NRG3: variants seen among roughly 807,000 people sequenced by gnomAD.
NRG3 encodes the protein pro-neuregulin-3, membrane-bound isoform.
NRG3 carries 31 observed loss-of-function variants against 66.9 expected under a neutral mutation model. The ratio of observed to expected loss-of-function variants is 0.46; its 90% CI spans 0.35 to 0.63. NRG3 has a LOEUF of 0.63. NRG3 is among the 20% of genes least tolerant of loss of function. The pLI is 0.00. For missense variants in NRG3, 910 were observed against 878.9 expected (o/e 1.04, Z -0.45); for synonymous variants, 393 against 359.4 (o/e 1.09, Z -1.06).
At chr10:82,348,565 G>A (rs2135475067) in intron 1 of NRG3, among the ~76,000 whole-genome samples, 1 of 146,782 alleles carries the variant, frequency 6.8e-6, no homozygotes, top group East Asian at 2.0e-4. Flanking sequence ...CTCTTCTCGA[G>A]GAGTATCTTT....
chr10:82,532,924 T>A (rs1847436036), intron 2 of NRG3, among the ~76,000 whole-genome samples: 2 of 151,592 alleles, frequency 1.3e-5, no homozygotes, highest in African/African-American at 4.8e-5. Flanking sequence ...ATTTTTCTCC[T>A]TCCTTGCCAA....
chr10:82,385,213 T>A (rs1386494179), intron 2 of NRG3, among the ~76,000 whole-genome samples: 1 of 152,160 alleles, frequency 6.6e-6, no homozygotes, highest in African/African-American at 2.4e-5. Context: ...GTACGTTAGA[T>A]CTTTGTCACA....
intron 2 of NRG3, among the ~76,000 whole-genome samples, chr10:82,716,815 C>A (rs1296863030): frequency 6.6e-6 from 1 of 152,050 alleles, no homozygotes; most frequent in African/African-American, 2.4e-5. Context: ...TTTAAATGAT[C>A]CATAAAGAGC....
At chr10:82,193,377 A>G (rs956606511) in intron 1 of NRG3, among the ~76,000 whole-genome samples, 6 of 152,316 alleles carry the variant, frequency 3.9e-5, no homozygotes, top group African/African-American at 1.4e-4. Context: ...TCCTGACCTC[A>G]AGTAATCCCC....
Position 82,986,029 on chromosome 10 carries a change from G to A in NRG3, c.*424G>A, listed in dbSNP as rs1437245896. On this transcript the variant is annotated 3_prime_UTR_variant, in exon 9 of 9. Coordinates refer to ENST00000372141, the MANE Select transcript of NRG3 (RefSeq NM_001010848.4). ...TTGCCATTTGGCTTGCCAGTCCCAA[G>A]CCCTAAATTTCTATTCACCCAATAG... 1.8e-5 allele frequency: 3 copies of A among 164,624 alleles called. No homozygotes were observed. In the East Asian group the frequency reaches 5.4e-4, roughly 29 times the overall value. The allele number at this position is 164,624 out of a possible 1,614,324, so 10.2% of individuals were successfully genotyped here. A position where few individuals can be genotyped will look rare whatever the true frequency, so the allele number is the denominator to read the frequency against.
At chr10:82,169,581 C>T (rs2072393786) in intron 1 of NRG3, among the ~76,000 whole-genome samples, 1 of 151,560 alleles carries the variant, frequency 6.6e-6, no homozygotes, top group Non-Finnish European at 1.5e-5. Context: ...TTGCTTAATA[C>T]TACTTCCAGT....
chr10:82,311,399 C>G (rs1284405294), intron 1 of NRG3, among the ~76,000 whole-genome samples: 1 of 152,312 alleles, frequency 6.6e-6, no homozygotes, highest in South Asian at 2.1e-4. Flanking sequence ...TTGTCTTCTT[C>G]TCTTCTCCAC....
In NRG3 at chr10:82,242,657, G is replaced by C. The variant is rs559284978; in HGVS notation, c.824-116082G>C. Among the ~76,000 whole-genome samples the C allele has an allele frequency of 1.8e-4, 28 of 152,308 alleles. No individual in the cohort carries two copies. In the South Asian group the frequency reaches 5.8e-3, roughly 32 times the overall value. ...GGGGGAAGAGCTAATTACTTGTATT[G>C]TAGAAGAAGACTTTGGAATTCTTGT... is the stretch of plus-strand genomic sequence containing the variant. On this transcript the variant is annotated intron_variant, in intron 1 of 8. Transcript: ENST00000372141.
At chr10:82,616,142 A>C (rs1481862279) in intron 2 of NRG3, among the ~76,000 whole-genome samples, 1 of 152,182 alleles carries the variant, frequency 6.6e-6, no homozygotes, top group East Asian at 1.9e-4. Context: ...AATGCATTTT[A>C]ATTGCCATTG....
intron 2 of NRG3, among the ~76,000 whole-genome samples, chr10:82,616,497 C>G (rs1367530320): frequency 6.6e-6 from 1 of 152,144 alleles, no homozygotes; most frequent in Non-Finnish European, 1.5e-5. Context: ...CTTCCACATA[C>G]AAGAAACTTT....
intron 2 of NRG3, among the ~76,000 whole-genome samples, chr10:82,429,575 T>G (rs1255072995): frequency 6.6e-6 from 1 of 152,148 alleles, no homozygotes. Context: ...TTTGACAGTT[T>G]GACTATGATG....
intron 2 of NRG3, among the ~76,000 whole-genome samples, chr10:82,388,391 C>G (rs1291224730): frequency 2.6e-5 from 4 of 152,086 alleles, no homozygotes; most frequent in Non-Finnish European, 5.9e-5. Flanking sequence ...TCTAAAATTA[C>G]ATCTGAGAAA....
chr10:82,134,330 G>C (rs2132553507), intron 1 of NRG3, among the ~76,000 whole-genome samples: 1 of 152,208 alleles, frequency 6.6e-6, no homozygotes, highest in African/African-American at 2.4e-5. Flanking sequence ...TGAAATTTTT[G>C]CTTTTTCCTA....
At chr10:82,435,939 G>A (rs2090113558) in intron 2 of NRG3, among the ~76,000 whole-genome samples, 1 of 152,014 alleles carries the variant, frequency 6.6e-6, no homozygotes, top group Non-Finnish European at 1.5e-5. Flanking sequence ...CATTTGCTGA[G>A]GAGTGTTTTA....
At position 82,102,003 on chromosome 10, in the gene NRG3, G is replaced by GTATATATATATATATATA. The variant is rs142461785; in HGVS notation, c.823+225856_823+225857insTATATATATATATATATA. On this transcript the variant is annotated intron_variant, in intron 1 of 8. Coordinates refer to ENST00000372141, the MANE Select transcript of NRG3 (RefSeq NM_001010848.4). Reference sequence around the variant, plus strand: ...TTTACAGTTCTGTATATATGTGTGCGTATATATATATATATACGCACACAT... The same window carrying GTATATATATATATATATA: ...TTTACAGTTCTGTATATATGTGTGCGTATATATATATATATATATATATATATATATATACGCACACAT... Among the ~76,000 whole-genome samples, 194 of 129,224 alleles carry GTATATATATATATATATA rather than the reference G, an allele frequency of 1.5e-3. 1 individual carries two copies. Among genetic ancestry groups the GTATATATATATATATATA allele is most frequent in the Non-Finnish European group, 2.4e-3 (143 of 59,404 alleles). The allele number at this position is 129,224 out of a possible 152,430, so 84.8% of individuals were successfully genotyped here.
At chr10:82,403,879 A>G (rs1229119213) in intron 2 of NRG3, among the ~76,000 whole-genome samples, 2 of 152,054 alleles carry the variant, frequency 1.3e-5, no homozygotes, top group Non-Finnish European at 2.9e-5. Flanking sequence ...TCCCATCTGT[A>G]AAATGGGAAA....
intron 2 of NRG3, among the ~76,000 whole-genome samples, chr10:82,433,252 G>A (rs183787881): frequency 2.6e-5 from 4 of 151,998 alleles, no homozygotes; most frequent in Admixed American, 6.6e-5. Context: ...CGATGGCCAC[G>A]TAGATGTCTT....
chr10:82,639,822 A>G (rs1411313973), intron 2 of NRG3, among the ~76,000 whole-genome samples: 5 of 152,144 alleles, frequency 3.3e-5, no homozygotes, highest in Admixed American at 2.0e-4. Context: ...TTTGTTATAT[A>G]GGTAAACTTG....
At chr10:82,904,034 T>G (rs543006585) in intron 4 of NRG3, among the ~76,000 whole-genome samples, 1 of 152,274 alleles carries the variant, frequency 6.6e-6, no homozygotes, top group Non-Finnish European at 1.5e-5. Flanking sequence ...AGCTTGTATT[T>G]TAACATCTTC....
Sources: gnomAD v4.1 joint callset for allele counts (sites outside exome capture counted in the v4.1 genomes callset) on GRCh38, gnomAD v4.1.1 for gene constraint, MANE v1.5 for transcripts, NCBI Gene and HGNC (gene_info 2026-07-23, HGNC 2026-07-21) for gene names.